Variants in RAB23 observed in about 807,000 individuals in gnomAD.
RAB23 encodes ras-related protein Rab-23.
RAB23 carries 15 observed loss-of-function variants against 30.0 expected under a neutral mutation model. That is an observed-to-expected ratio of 0.50 (90% CI 0.33 to 0.77). The LOEUF is 0.77. Among genes scored for constraint, RAB23 ranks in the 30% least tolerant of loss-of-function variants. The pLI is 0.02. For synonymous variants in RAB23, 93 were observed against 94.0 expected (o/e 0.99, Z 0.06); for missense variants, 243 against 275.4 (o/e 0.88, Z 0.83).
chr6:57,212,384 C>G (rs541293583), intron 1 of RAB23, among the ~76,000 whole-genome samples: 157 of 152,312 alleles, frequency 1.0e-3, no homozygotes, highest in Non-Finnish European at 1.8e-3. Flanking sequence ...GTATAAAAAA[C>G]TAGCATTGCA....
chr6:57,211,900 A>G (rs184927714), intron 1 of RAB23, among the ~76,000 whole-genome samples: 38 of 152,276 alleles, frequency 2.5e-4, no homozygotes, highest in African/African-American at 8.2e-4. Context: ...CTATACAACC[A>G]CTACACCAAG....
At chr6:57,195,011 G>A (rs1764968410) in intron 4 of RAB23, among the ~76,000 whole-genome samples, 159 bp from the exon 5 acceptor site, 1 of 152,164 alleles carries the variant, frequency 6.6e-6, no homozygotes, top group South Asian at 2.1e-4. Context: ...TTTTAAAAGA[G>A]CTTGATATAA....
rs1162898857 is a variant in RAB23, at chr6:57,190,600, C to G, written c.575G>C (p.Gly192Ala). ...ELTHSSSNKI[G>A]VFNTSGGSHS... ...ACTTCCACCAGATGTATTAAAGACA[C>G]CTGTATAAATTGAGGGAAAAGAGTG... Residue 192 changes from glycine to alanine, a missense_variant and splice_region_variant, in exon 7 of 7, where the codon GGT (glycine) becomes GCT (alanine). Gly to Ala is a moderately conservative substitution (Grantham distance 60, BLOSUM62 0). Coordinates refer to ENST00000468148, the MANE Select transcript of RAB23 (RefSeq NM_016277.5). 1 of 1,613,862 alleles carries G rather than the reference C, an allele frequency of 6.2e-7. No individual in the cohort carries two copies. The highest frequency in any genetic ancestry group is 8.5e-7 in the Non-Finnish European group (1 of 1,179,814).
In RAB23 at chr6:57,213,811, A is replaced by C. The variant is rs143639564; in HGVS notation, c.-65-3366T>G. On this transcript the variant is annotated intron_variant, in intron 1 of 6. Coordinates refer to ENST00000468148, the MANE Select transcript of RAB23 (RefSeq NM_016277.5). ...TAGTAACCAGGAAATATCACCACCA[A>C]CAACAAAAAAACATAAAAGCCTACT... is the stretch of plus-strand genomic sequence containing the variant. 3.6e-3 allele frequency among the ~76,000 whole-genome samples: 550 copies of C among 151,868 alleles called. 5 individuals are homozygous for C. The highest frequency in any genetic ancestry group is 0.012 in the African/African-American group (511 of 41,510).
intron 1 of RAB23, chr6:57,221,367 C>T (rs1027793506): frequency 1.3e-5 from 2 of 152,302 alleles, no homozygotes; most frequent in Non-Finnish European, 2.9e-5. Context: ...GATGGCTCCT[C>T]GGATCTCCGA....
In RAB23 at chr6:57,210,161, C is replaced by G. The variant is rs944672328; in HGVS notation, c.155+65G>C. Reference sequence around the variant, plus strand: ...ATCCACTGCAATCAGTTAACTATTACTCCAATGAGTCTTGGATATAGTTCA... The same window carrying G: ...ATCCACTGCAATCAGTTAACTATTAGTCCAATGAGTCTTGGATATAGTTCA... On this transcript the variant is annotated intron_variant, in intron 2 of 6. Coordinates refer to ENST00000468148, the MANE Select transcript of RAB23 (RefSeq NM_016277.5). 15 of 1,532,746 alleles carry G rather than the reference C, an allele frequency of 9.8e-6. No homozygotes were observed. The African/African-American group carries it at 1.9e-4, about 20-fold the overall frequency. The allele number at this position is 1,532,746 out of a possible 1,614,324, so 94.9% of individuals were successfully genotyped here. A position where few individuals can be genotyped will look rare whatever the true frequency, so the allele number is the denominator to read the frequency against.
chr6:57,221,618 T>C (rs1766063234), intron 1 of RAB23, 108 bp downstream of exon 1: 1 of 152,352 alleles, frequency 6.6e-6, no homozygotes. Flanking sequence ...CCTTCCCCAG[T>C]CGGGACTTGG....
At chr6:57,212,420 T>C (rs1765690356) in intron 1 of RAB23, among the ~76,000 whole-genome samples, 1 of 152,070 alleles carries the variant, frequency 6.6e-6, no homozygotes, top group Non-Finnish European at 1.5e-5. Context: ...TCAGGCATTT[T>C]CCCCAATAAA....
chr6:57,193,107 T>C lies in RAB23; in HGVS notation c.574+735A>G, dbSNP rs149818925. 5.0e-3 allele frequency among the ~76,000 whole-genome samples: 764 copies of C among 151,856 alleles called. 1 individual carries two copies. Among genetic ancestry groups the C allele is most frequent in the African/African-American group, 0.018 (730 of 41,364 alleles). ...GAAGACAAAAGGGGAGCCAAGGAGA[T>C]CACACCAGGTAGAGGCTTATTATAA... is the stretch of plus-strand genomic sequence containing the variant. On this transcript the variant is annotated intron_variant, in intron 6 of 6. Coordinates refer to ENST00000468148, the MANE Select transcript of RAB23 (RefSeq NM_016277.5).
At chr6:57,197,257 G>A (rs919331417) in intron 3 of RAB23, among the ~76,000 whole-genome samples, 4 of 152,078 alleles carry the variant, frequency 2.6e-5, no homozygotes, top group Non-Finnish European at 5.9e-5. Context: ...GGGAAACTTA[G>A]TTTTACCCTG....
intron 1 of RAB23, among the ~76,000 whole-genome samples, chr6:57,220,427 G>C (rs1370133727): frequency 6.6e-6 from 1 of 152,128 alleles, no homozygotes; most frequent in East Asian, 1.9e-4. Context: ...ATGAAAACAT[G>C]TCCATGCAAA....
In RAB23 at chr6:57,196,579, G is replaced by A. The variant is rs1482096391; in HGVS notation, c.269C>T (p.Ser90Phe). The A allele has an allele frequency of 6.2e-7, 1 of 1,613,908 alleles. No homozygotes were observed. The highest frequency in any genetic ancestry group is 1.3e-5 in the African/African-American group (1 of 75,030). The change falls in exon 4 of 7, where the codon TCT (serine) becomes TTT (phenylalanine). Residue 90 changes from serine (S) to phenylalanine (F), a missense_variant. By Grantham distance (155) the Ser-to-Phe change is radical. Transcript: ENST00000468148. ...TTCAAAAGATTCCCTATCTGTGGTAGAGAACACGAGCACACAAGCCTGGGC... is the reference window on the plus strand; with the variant it reads ...TTCAAAAGATTCCCTATCTGTGGTAAAGAACACGAGCACACAAGCCTGGGC... The part of the protein sequence containing the change: ...RGAQACVLVF[S>F]TTDRESFEAV...
chr6:57,201,209 T>A (rs1474986243), intron 3 of RAB23, among the ~76,000 whole-genome samples: 1 of 151,494 alleles, frequency 6.6e-6, no homozygotes, highest in African/African-American at 2.4e-5. Context: ...TCAGCCTGAG[T>A]AGCTGAGATT....
At chr6:57,220,171 CCATTA>C (rs1419482522) in intron 1 of RAB23, among the ~76,000 whole-genome samples, 8 of 152,076 alleles carry the variant, frequency 5.3e-5, no homozygotes, top group Non-Finnish European at 1.2e-4. Context: ...ACATCTTTAG[CCATTA>C]GTTAAAGGCA....
rs765599394 is a variant in RAB23, at chr6:57,194,800, A to C, written c.451T>G (p.Ser151Ala). ...TTCACATTTAGATCTTCTTTCACTG[A>C]TGTTCTGTAGAATCTTAACTTTAAC... Reference protein sequence around the residue: ...KRLKLRFYRTSVKEDLNVNEV... With the variant: ...KRLKLRFYRTAVKEDLNVNEV... Residue 151 changes from serine to alanine, a missense_variant, in exon 5 of 7, where the codon TCA becomes GCA. Ser to Ala is a moderately conservative substitution (Grantham distance 99). Coordinates refer to ENST00000468148, the MANE Select transcript of RAB23 (RefSeq NM_016277.5). 1 of 1,613,226 alleles carries C rather than the reference A, an allele frequency of 6.2e-7. No homozygotes were observed. The highest frequency in any genetic ancestry group is 1.1e-5 in the South Asian group (1 of 91,010).
At position 57,190,301 on chromosome 6, in the gene RAB23, T is replaced by C; in HGVS notation, c.*160A>G. 1.2e-6 allele frequency: 1 copy of C among 833,890 alleles called. No individual in the cohort carries two copies. 51.7% of individuals were successfully genotyped at this position (833,890 alleles called of 1,614,324 possible). On this transcript the variant is annotated 3_prime_UTR_variant, in exon 7 of 7. Transcript: ENST00000468148. Reference sequence around the variant, plus strand: ...AATTTTTCCACCAGAGGTCTCACTCTACATTCTGAAAAGCACTGCAGAGCA... The same window carrying C: ...AATTTTTCCACCAGAGGTCTCACTCCACATTCTGAAAAGCACTGCAGAGCA...
chr6:57,203,415 A>G (rs1765342225), intron 3 of RAB23, among the ~76,000 whole-genome samples: 2 of 152,258 alleles, frequency 1.3e-5, no homozygotes, highest in Non-Finnish European at 2.9e-5. Context: ...AAGCTTAGAA[A>G]GGATTAGGCC....
intron 3 of RAB23, among the ~76,000 whole-genome samples, chr6:57,198,310 C>T (rs559731023): frequency 1.4e-4 from 21 of 152,144 alleles, no homozygotes; most frequent in East Asian, 5.8e-4. Flanking sequence ...GTCAGGAGAT[C>T]GAGACCATCC....
intron 2 of RAB23, 88 bp from the exon 3 acceptor site, chr6:57,207,801 A>G: frequency 1.1e-6 from 1 of 898,036 alleles, no homozygotes; most frequent in African/African-American, 1.7e-5. Flanking sequence ...TTCAAATCCA[A>G]AGATATTAAA....
Sources: gnomAD v4.1 joint callset for allele counts (sites outside exome capture counted in the v4.1 genomes callset) on GRCh38, gnomAD v4.1.1 for gene constraint, MANE v1.5 for transcripts, NCBI Gene and HGNC (gene_info 2026-07-23, HGNC 2026-07-21) for gene names.